The following RBFOX3 variants were observed in gnomAD, a reference collection of about 807,000 sequenced individuals.
The protein encoded by RBFOX3 is RNA binding fox-1 homolog 3.
A neutral mutation model predicts 48.7 loss-of-function variants in RBFOX3; 17 were observed. That is an observed-to-expected ratio of 0.35 (90% CI 0.24 to 0.52). The LOEUF is 0.52. Ranked by LOEUF, RBFOX3 falls within the 20% of genes least tolerant of loss-of-function variation. RBFOX3 has a pLI of 0.94. For missense variants in RBFOX3, 382 were observed against 497.5 expected, an observed-to-expected ratio of 0.77 and a Z score of 2.21; for synonymous variants, 212 against 209.5, an observed-to-expected ratio of 1.01 and a Z score of -0.10.
chr17:79,650,197 C>T, the RBFOX3 span, among the ~76,000 whole-genome samples: 5 of 152,154 alleles, frequency 3.3e-5, no homozygotes, highest in African/African-American at 9.7e-5. Flanking sequence ...CCCAACTAAA[C>T]TGGGGGGATT....
the RBFOX3 span, among the ~76,000 whole-genome samples, chr17:79,661,416 CTGTTTAG>C: frequency 1.3e-5 from 2 of 152,044 alleles, no homozygotes; most frequent in African/African-American, 2.4e-5. Context: ...TATAGATGTG[CTGTTTAG>C]TGTTTAGTGT....
At chr17:79,285,998 G>C (rs1203029668) in intron 3 of RBFOX3, among the ~76,000 whole-genome samples, 3 of 152,194 alleles carry the variant, frequency 2.0e-5, no homozygotes, top group Non-Finnish European at 4.4e-5. Flanking sequence ...ATTGGGTTTT[G>C]TTCAAGTGGG....
the RBFOX3 span, among the ~76,000 whole-genome samples, chr17:79,647,717 G>A: frequency 3.3e-5 from 5 of 152,166 alleles, no homozygotes; most frequent in African/African-American, 1.2e-4. Context: ...CACAGCGCAT[G>A]ACCAGGGCCT....
the RBFOX3 span, among the ~76,000 whole-genome samples, chr17:79,620,657 A>ACG: frequency 7.2e-6 from 1 of 138,020 alleles, no homozygotes; most frequent in Non-Finnish European, 1.5e-5. Flanking sequence ...ACGGACATGC[A>ACG]CACACGCACA....
intron 5 of RBFOX3, among the ~76,000 whole-genome samples, chr17:79,110,899 C>T (rs985387425): frequency 2.6e-5 from 4 of 152,258 alleles, no homozygotes; most frequent in Admixed American, 2.0e-4. Context: ...CTTTGGGGAC[C>T]AGCGCCTCCT....
At chr17:79,465,877 C>T (rs1242788900) in intron 2 of RBFOX3, among the ~76,000 whole-genome samples, 4 of 152,228 alleles carry the variant, frequency 2.6e-5, no homozygotes, top group Non-Finnish European at 5.9e-5. Flanking sequence ...GGATGTTTCT[C>T]TCTACGCCTC....
chr17:79,620,646 CACGGACAT>C, the RBFOX3 span, among the ~76,000 whole-genome samples: 1 of 28,206 alleles, frequency 3.5e-5, no homozygotes, highest in Non-Finnish European at 1.5e-4. Context: ...CACGCACACA[CACGGACAT>C]GCACACACGC....
intron 4 of RBFOX3, among the ~76,000 whole-genome samples, chr17:79,147,795 G>C (rs1290952704): frequency 6.6e-6 from 1 of 152,240 alleles, no homozygotes; most frequent in African/African-American, 2.4e-5. Context: ...GGTGGGCGAC[G>C]AGGCAGTAGC....
chr17:79,097,747 T>C lies in RBFOX3; in HGVS notation c.569-2A>G. 6.5e-7 allele frequency: 1 copy of C among 1,546,436 alleles called. No homozygotes were observed. Among genetic ancestry groups the C allele is most frequent in the Non-Finnish European group, 8.7e-7 (1 of 1,143,946 alleles). On this transcript the variant is annotated splice_acceptor_variant, in intron 9 of 14. Coordinates refer to ENST00000693108, the MANE Select transcript of RBFOX3 (RefSeq NM_001350451.2). LOFTEE classifies it high-confidence loss of function. The stretch of plus-strand genomic sequence containing the variant: ...CGACCACTGGATTTAGCTTCCAGCC[T>C]AAAACAAAGGCACAGAGACCTAGTC...
intron 1 of RBFOX3, among the ~76,000 whole-genome samples, chr17:79,506,798 G>C (rs1022854007): frequency 6.6e-6 from 1 of 152,186 alleles, no homozygotes; most frequent in Non-Finnish European, 1.5e-5. Context: ...GCAGAGGAGC[G>C]GCGGCCGCTT....
rs1567864313 is a variant in RBFOX3, at chr17:79,220,137, G to T, written c.-34+15629C>A. Among the ~76,000 whole-genome samples, 2 of 152,202 alleles carry T rather than the reference G, an allele frequency of 1.3e-5. No individual in the cohort carries two copies. The highest frequency in any genetic ancestry group is 2.9e-5 in the Non-Finnish European group (2 of 68,052). ...TTCCCAACATTTCAGCCCCAGATCT[G>T]CCCAGAGTGAGAAAGCAACACGCAG... On this transcript the variant is annotated intron_variant, in intron 4 of 14. Coordinates refer to ENST00000693108, the MANE Select transcript of RBFOX3 (RefSeq NM_001350451.2). This position sits in a 1 kb window ranked among gnomAD's most constrained non-coding sequence, Gnocchi z 5.9.
rs527508524 is a variant in RBFOX3 at position 79,137,049 on chromosome 17, C to A, written c.-33-21301G>T. Among the ~76,000 whole-genome samples, 9 of 152,256 alleles carry A rather than the reference C, an allele frequency of 5.9e-5. No homozygotes were observed. The South Asian group carries it at 1.9e-3, about 32-fold the overall frequency. ...CCCCAGGACTCCCAGAGGTCCAGGC[C>A]CTCCTCCGGCTCGAGATCTTCCCTT... On this transcript the variant is annotated intron_variant, in intron 4 of 14. Transcript: ENST00000693108.
intron 2 of RBFOX3, among the ~76,000 whole-genome samples, chr17:79,387,788 C>T (rs12453678): frequency 0.065 from 9,885 of 152,282 alleles, 395 homozygotes; most frequent in East Asian, 0.19. Context: ...ACTTGGAGTT[C>T]AAGGGAAGAG....
intron 1 of RBFOX3, among the ~76,000 whole-genome samples, chr17:79,501,990 C>T (rs920135234): frequency 1.3e-5 from 2 of 152,174 alleles, no homozygotes; most frequent in Admixed American, 6.5e-5. Flanking sequence ...TGGCAGCACC[C>T]GGCCAGGGTG....
chr17:79,114,686 C>T (rs1466028559), intron 5 of RBFOX3, among the ~76,000 whole-genome samples: 1 of 152,244 alleles, frequency 6.6e-6, no homozygotes, highest in African/African-American at 2.4e-5. Context: ...GCCCCGCCAG[C>T]TAGCACATCC....
At chr17:79,104,961 T>G (rs1351426198) in intron 6 of RBFOX3, among the ~76,000 whole-genome samples, 1 of 152,246 alleles carries the variant, frequency 6.6e-6, no homozygotes, top group Non-Finnish European at 1.5e-5. Context: ...GCCATGACGC[T>G]CTAGCTGCCT....
intron 6 of RBFOX3, 104 bp from the exon 7 acceptor site, chr17:79,104,230 T>C (rs2076960976): frequency 9.6e-7 from 1 of 1,038,428 alleles, no homozygotes; most frequent in Non-Finnish European, 1.5e-6. Context: ...ATGCCTGTGC[T>C]CTGCCCTCGG....
chr17:79,494,783 G>A (rs1341242185), intron 1 of RBFOX3, among the ~76,000 whole-genome samples: 5 of 152,194 alleles, frequency 3.3e-5, no homozygotes, highest in African/African-American at 4.8e-5. Flanking sequence ...ACCCAACCCT[G>A]CCTACAGAGG....
chr17:79,517,918 G>A (rs1218794653), intron 1 of RBFOX3, among the ~76,000 whole-genome samples: 3 of 152,196 alleles, frequency 2.0e-5, no homozygotes, highest in African/African-American at 4.8e-5. Flanking sequence ...CAGCTAGCCC[G>A]AGGTCTGACC....
Sources: allele counts gnomAD v4.1 joint callset (sites outside exome capture counted in the v4.1 genomes callset), GRCh38; gene constraint gnomAD v4.1.1; non-coding constraint Gnocchi (gnomAD v3.1); transcripts MANE v1.5; gene names NCBI Gene and HGNC (gene_info 2026-07-23, HGNC 2026-07-21).